ANTXR2: variants seen among roughly 807,000 people sequenced by gnomAD.
ANTXR2 encodes anthrax toxin receptor 2.
Under a neutral mutation model 73.7 loss-of-function variants are expected in ANTXR2, and 44 were observed. The observed-to-expected ratio is 0.60, with a 90% CI of 0.47 to 0.77. ANTXR2 has a LOEUF of 0.77. Ranked by LOEUF, ANTXR2 falls within the 30% of genes least tolerant of loss-of-function variation. The probability of loss-of-function intolerance (pLI) is 0.00; values close to 1 mark genes in which losing one functional copy is unlikely to be tolerated. For missense variants in ANTXR2, 604 were observed against 592.5 expected, an observed-to-expected ratio of 1.02 and a Z score of -0.20; for synonymous variants, 217 against 205.9, an observed-to-expected ratio of 1.05 and a Z score of -0.46.
In ANTXR2 at chr4:80,055,463, T is replaced by C. The variant is rs775416260; in HGVS notation, c.383A>G (p.Asn128Ser). 6.2e-7 allele frequency: 1 copy of C among 1,608,288 alleles called. No individual in the cohort carries two copies. The highest frequency in any genetic ancestry group is 1.1e-5 in the South Asian group (1 of 90,568). ...TYIHEGLKLANEQIQKAGGLK... is the reference protein window; with the variant it reads ...TYIHEGLKLASEQIQKAGGLK... ...GCCTCCTGCTTTCTGAATTTGTTCA[T>C]TCGCCTGAAAATGAAGAATAATTAT... The change falls in exon 5 of 17, where the codon AAT (asparagine) becomes AGT (serine). Residue 128 changes from asparagine to serine, a missense_variant. Coordinates refer to ENST00000403729, the MANE Select transcript of ANTXR2 (RefSeq NM_058172.6).
chr4:79,902,561 T>C lies in ANTXR2; in HGVS notation c.*4868A>G. ...GTTTTTAAGACACTTGCTAACCCTA[T>C]GAAACCAGAGTGAAGTACATGCATA... On this transcript the variant is annotated 3_prime_UTR_variant, in exon 17 of 17. Coordinates refer to ENST00000403729, the MANE Select transcript of ANTXR2 (RefSeq NM_058172.6). 6.6e-6 allele frequency: 1 copy of C among 152,194 alleles called. No individual in the cohort carries two copies. Among genetic ancestry groups the C allele is most frequent in the East Asian group, 1.9e-4 (1 of 5,194 alleles). 9.4% of individuals were successfully genotyped at this position (152,194 alleles called of 1,614,324 possible). A position where few individuals can be genotyped will look rare whatever the true frequency, so the allele number is the denominator to read the frequency against.
At chr4:79,908,963 T>C (rs1265499419) in intron 16 of ANTXR2, among the ~76,000 whole-genome samples, 1 of 152,132 alleles carries the variant, frequency 6.6e-6, no homozygotes, top group Non-Finnish European at 1.5e-5. Flanking sequence ...TGGTTAGAAA[T>C]ACTTTTTCAA....
chr4:79,909,769 T>G (rs187825584), intron 16 of ANTXR2, among the ~76,000 whole-genome samples: 1 of 152,200 alleles, frequency 6.6e-6, no homozygotes, highest in Admixed American at 6.5e-5. Context: ...CAGTGCTTTT[T>G]ACTTTTATCA....
At position 79,907,741 on chromosome 4, in the gene ANTXR2, A is replaced by G. The variant is rs557337181; in HGVS notation, c.1429-274T>C. Reference sequence around the variant, plus strand: ...ATGTTACTATTATCTAAAATACAGCATTACTATCACGGCCATAAAAATATC... The same window carrying G: ...ATGTTACTATTATCTAAAATACAGCGTTACTATCACGGCCATAAAAATATC... On this transcript the variant is annotated intron_variant, in intron 16 of 16. Transcript: ENST00000403729. 4.7e-4 allele frequency among the ~76,000 whole-genome samples: 72 copies of G among 152,282 alleles called. 1 individual carries two copies. Among genetic ancestry groups the G allele is most frequent in the Non-Finnish European group, 1.0e-3 (68 of 68,012 alleles).
intron 16 of ANTXR2, among the ~76,000 whole-genome samples, chr4:79,933,667 C>T (rs1350678321): frequency 6.7e-6 from 1 of 150,014 alleles, no homozygotes; most frequent in East Asian, 2.0e-4. Context: ...CTTCATTTAA[C>T]ATTAGGTATA....
At chr4:79,948,583 C>G (rs1168801277) in intron 16 of ANTXR2, among the ~76,000 whole-genome samples, 1 of 152,094 alleles carries the variant, frequency 6.6e-6, no homozygotes, top group Non-Finnish European at 1.5e-5. Flanking sequence ...AAGTCTCAAC[C>G]TTCAATCTCT....
chr4:79,923,516 C>T (rs563248031), intron 16 of ANTXR2, among the ~76,000 whole-genome samples: 1 of 152,044 alleles, frequency 6.6e-6, no homozygotes, highest in Admixed American at 6.6e-5. Flanking sequence ...AGGAGCTGAC[C>T]TTGGTGTCAG....
chr4:79,949,362 G>A (rs1728622611), intron 16 of ANTXR2, among the ~76,000 whole-genome samples: 1 of 152,152 alleles, frequency 6.6e-6, no homozygotes, highest in South Asian at 2.1e-4. Context: ...AGTGTCAAAT[G>A]CAGGTCATTA....
At chr4:79,975,258 T>A (rs1401705829) in intron 16 of ANTXR2, among the ~76,000 whole-genome samples, 1 of 152,198 alleles carries the variant, frequency 6.6e-6, no homozygotes, top group Non-Finnish European at 1.5e-5. Context: ...TAATCTTTAC[T>A]TTCCTATGCA....
At chr4:79,907,746 T>C (rs917319127) in intron 16 of ANTXR2, among the ~76,000 whole-genome samples, 4 of 152,164 alleles carry the variant, frequency 2.6e-5, no homozygotes, top group Non-Finnish European at 4.4e-5. Flanking sequence ...ACAGCATTAC[T>C]ATCACGGCCA....
intron 7 of ANTXR2, among the ~76,000 whole-genome samples, chr4:80,043,939 T>C (rs1007267161): frequency 6.6e-6 from 1 of 151,914 alleles, no homozygotes; most frequent in Non-Finnish European, 1.5e-5. Flanking sequence ...TCAGGTTGCA[T>C]GGATTCACCA....
intron 10 of ANTXR2, among the ~76,000 whole-genome samples, chr4:80,027,889 C>T (rs1732513235): frequency 6.6e-6 from 1 of 152,126 alleles, no homozygotes; most frequent in African/African-American, 2.4e-5. Flanking sequence ...AACTGTGAGG[C>T]TAGTGCCCTG....
chr4:79,997,280 T>C (rs1279532288), intron 12 of ANTXR2, among the ~76,000 whole-genome samples: 2 of 151,786 alleles, frequency 1.3e-5, no homozygotes, highest in Non-Finnish European at 2.9e-5. Flanking sequence ...AAAGATATTG[T>C]ACAATGACTG....
intron 16 of ANTXR2, among the ~76,000 whole-genome samples, chr4:79,919,062 G>A (rs555010574): frequency 2.6e-5 from 4 of 152,066 alleles, no homozygotes; most frequent in Admixed American, 2.0e-4. Flanking sequence ...AGATAACAGA[G>A]GAGATAGAAC....
intron 12 of ANTXR2, among the ~76,000 whole-genome samples, chr4:80,000,496 C>T (rs554029035): frequency 1.3e-5 from 2 of 152,078 alleles, no homozygotes; most frequent in Admixed American, 1.3e-4. Flanking sequence ...ATGCAACATG[C>T]CTGGTTTACA....
At chr4:79,993,122 T>C in intron 12 of ANTXR2, among the ~76,000 whole-genome samples, 1 of 152,046 alleles carries the variant, frequency 6.6e-6, no homozygotes, top group South Asian at 2.1e-4. Context: ...AGGTGTTATG[T>C]CTGCTTTGCT....
At chr4:79,961,604 T>A (rs550098018) in intron 16 of ANTXR2, among the ~76,000 whole-genome samples, 1 of 152,078 alleles carries the variant, frequency 6.6e-6, no homozygotes, top group East Asian at 1.9e-4. Flanking sequence ...CAGGCTAATA[T>A]TTTGTTTGTA....
chr4:80,036,538 T>C (rs1431636396), intron 7 of ANTXR2, among the ~76,000 whole-genome samples: 2 of 152,090 alleles, frequency 1.3e-5, no homozygotes, highest in Non-Finnish European at 2.9e-5. Flanking sequence ...CAGTGGCTCA[T>C]GCCTATAATC....
rs1426598177 is a variant in ANTXR2 at position 79,901,468 on chromosome 4, A to G, written c.*5961T>C. The G allele has an allele frequency of 6.6e-6, 1 of 150,454 alleles. No individual in the cohort carries two copies. Among genetic ancestry groups the G allele is most frequent in the Non-Finnish European group, 1.5e-5 (1 of 67,788 alleles). The allele number at this position is 150,454 out of a possible 1,614,324, so 9.3% of individuals were successfully genotyped here. On this transcript the variant is annotated 3_prime_UTR_variant, in exon 17 of 17. Transcript: ENST00000403729. The stretch of plus-strand genomic sequence containing the variant: ...TTAAAATCACCTTGCCTTTTAGTTC[A>G]TGGAGACAATGCATATCTTTTTCAT...
Sources: gnomAD v4.1 joint callset for allele counts (sites outside exome capture counted in the v4.1 genomes callset) on GRCh38, gnomAD v4.1.1 for gene constraint, MANE v1.5 for transcripts, NCBI Gene and HGNC (gene_info 2026-07-23, HGNC 2026-07-21) for gene names.